CAMSAP2: variants seen among roughly 807,000 people sequenced by gnomAD.
CAMSAP2 encodes the protein calmodulin regulated spectrin associated protein family member 2, also known as calmodulin-regulated spectrin-associated protein 2.
In CAMSAP2, 26 loss-of-function variants were observed where a neutral mutation model predicts 146.1. The observed-to-expected ratio is 0.18, with a 90% CI of 0.13 to 0.25. The LOEUF is 0.25. Ranked by LOEUF, CAMSAP2 falls within the 10% of genes least tolerant of loss-of-function variation. The pLI, the probability that CAMSAP2 is intolerant of heterozygous loss-of-function variation, is 1.00. For synonymous variants in CAMSAP2, 499 were observed against 596.6 expected (o/e 0.84, Z 2.38); for missense variants, 1,381 against 1,759.3 (o/e 0.78, Z 3.85).
intron 2 of CAMSAP2, among the ~76,000 whole-genome samples, chr1:200,792,622 A>G (rs1665785816): frequency 1.3e-5 from 2 of 152,312 alleles, no homozygotes; most frequent in South Asian, 4.1e-4. Context: ...TCCAGCCTGG[A>G]TGACAAAGCA....
chr1:200,739,718 C>T lies in CAMSAP2; in HGVS notation c.-110C>T. On this transcript the variant is annotated 5_prime_UTR_variant, in exon 1 of 17. Coordinates refer to ENST00000358823, the MANE Select transcript of CAMSAP2 (RefSeq NM_203459.4). The surrounding 1 kb of genome is among the most constrained non-coding windows in gnomAD (Gnocchi z 4.8). ...CGTCGGCGCCCGGGCGGACATCGCCCGGGCCCCGATGGTTTGAGCTTGCTT... is the reference window on the plus strand; with the variant it reads ...CGTCGGCGCCCGGGCGGACATCGCCTGGGCCCCGATGGTTTGAGCTTGCTT... 16 of 1,125,234 alleles carry T rather than the reference C, an allele frequency of 1.4e-5. No homozygotes were observed. The highest frequency in any genetic ancestry group is 1.9e-5 in the Non-Finnish European group (16 of 845,656). 69.7% of individuals were successfully genotyped at this position (1,125,234 alleles called of 1,614,324 possible).
At chr1:200,855,922 T>C in intron 14 of CAMSAP2, 88 bp from the exon 15 acceptor site, 1 of 857,518 alleles carries the variant, frequency 1.2e-6, no homozygotes, top group Non-Finnish European at 1.9e-6. Context: ...GGCCTTTAGG[T>C]TGATTTTGAT....
At chr1:200,782,201 G>A (rs373378914) in intron 2 of CAMSAP2, among the ~76,000 whole-genome samples, 14 of 152,136 alleles carry the variant, frequency 9.2e-5, no homozygotes, top group Non-Finnish European at 1.9e-4. Flanking sequence ...ATTTGATGCC[G>A]TGTGTGGTAA....
Position 200,739,712 on chromosome 1 carries a change from A to C in CAMSAP2, c.-116A>C. 334 of 830,758 alleles carry C rather than the reference A, an allele frequency of 4.0e-4. No homozygotes were observed. Among genetic ancestry groups the C allele is most frequent in the Middle Eastern group, 1.4e-3 (3 of 2,118 alleles). 51.5% of individuals were successfully genotyped at this position (830,758 alleles called of 1,614,324 possible). ...CTCCTCCGTCGGCGCCCGGGCGGAC[A>C]TCGCCCGGGCCCCGATGGTTTGAGC... On this transcript the variant is annotated 5_prime_UTR_variant, in exon 1 of 17. Transcript: ENST00000358823. The surrounding 1 kb of genome is among the most constrained non-coding windows in gnomAD (Gnocchi z 4.8).
chr1:200,775,963 A>G (rs1006869675), intron 2 of CAMSAP2, among the ~76,000 whole-genome samples: 5 of 152,124 alleles, frequency 3.3e-5, no homozygotes, highest in African/African-American at 1.2e-4. Flanking sequence ...CATCAAGGCA[A>G]AAGCTTTCAA....
In CAMSAP2 at chr1:200,847,413, T is replaced by TTG. The variant is rs567125596; in HGVS notation, c.1192+122_1192+123insGT. On this transcript the variant is annotated intron_variant, in intron 9 of 16. Transcript: ENST00000358823. ...TTTTTGTGTGTGTGTGTGTGTGTTT[T>TTG]TTTGTTTGTTTGTTTGTTTTCTGAA... 3.6e-4 allele frequency: 276 copies of TTG among 769,758 alleles called. No homozygotes were observed. The East Asian group carries it at 7.0e-3, about 20-fold the overall frequency. The allele number at this position is 769,758 out of a possible 1,614,324, so 47.7% of individuals were successfully genotyped here.
At chr1:200,840,613 G>A (rs1667301996) in intron 6 of CAMSAP2, among the ~76,000 whole-genome samples, 1 of 152,156 alleles carries the variant, frequency 6.6e-6, no homozygotes, top group African/African-American at 2.4e-5. Flanking sequence ...ACTATCAGAT[G>A]AGAGATGATA....
intron 2 of CAMSAP2, among the ~76,000 whole-genome samples, chr1:200,778,751 T>C: frequency 6.7e-6 from 1 of 150,366 alleles, no homozygotes; most frequent in South Asian, 2.1e-4. Flanking sequence ...CCGGCTACAG[T>C]AGATTTAGGT....
At chr1:200,807,761 G>A (rs1245248790) in intron 3 of CAMSAP2, among the ~76,000 whole-genome samples, 4 of 129,840 alleles carry the variant, frequency 3.1e-5, no homozygotes, top group Non-Finnish European at 6.4e-5. Context: ...TTTTTTTTGA[G>A]AAGTAGTCTC....
intron 4 of CAMSAP2, among the ~76,000 whole-genome samples, chr1:200,825,369 G>A (rs1158700399): frequency 6.6e-6 from 1 of 152,086 alleles, no homozygotes; most frequent in East Asian, 1.9e-4. Flanking sequence ...AAGCACGTAT[G>A]TGCATGTTTG....
intron 6 of CAMSAP2, among the ~76,000 whole-genome samples, chr1:200,835,341 A>G (rs562689707): frequency 6.6e-6 from 1 of 152,372 alleles, no homozygotes; most frequent in Admixed American, 6.5e-5. Context: ...TATAACTTTT[A>G]GAACATTGCA....
At position 200,832,451 on chromosome 1, in the gene CAMSAP2, A is replaced by C; in HGVS notation, c.787+110A>C. 1 of 1,038,708 alleles carries C rather than the reference A, an allele frequency of 9.6e-7. No individual in the cohort carries two copies. The allele number at this position is 1,038,708 out of a possible 1,614,324, so 64.3% of individuals were successfully genotyped here. A position where few individuals can be genotyped will look rare whatever the true frequency, so the allele number is the denominator to read the frequency against. The stretch of plus-strand genomic sequence containing the variant: ...GTGACTGAGTGGGACCCTGTCTCAA[A>C]AAAAAGACAATATTATTTAATAAGT... On this transcript the variant is annotated intron_variant, in intron 5 of 16. Transcript: ENST00000358823. This position sits in a 1 kb window ranked among gnomAD's most constrained non-coding sequence, Gnocchi z 4.2.
intron 1 of CAMSAP2, among the ~76,000 whole-genome samples, 200 bp from the exon 2 acceptor site, chr1:200,760,638 CT>C (rs1664774660): frequency 6.6e-6 from 1 of 152,160 alleles, no homozygotes; most frequent in African/African-American, 2.4e-5. Context: ...CAGAAAGTAT[CT>C]TCTGTAAAGG....
At chr1:200,748,687 G>A (rs902800257) in intron 1 of CAMSAP2, among the ~76,000 whole-genome samples, 1 of 150,892 alleles carries the variant, frequency 6.6e-6, no homozygotes, top group African/African-American at 2.4e-5. Context: ...ATATTAACAA[G>A]TTTCTCTTTG....
intron 2 of CAMSAP2, among the ~76,000 whole-genome samples, chr1:200,772,196 G>A (rs1333689240): frequency 6.6e-6 from 1 of 151,836 alleles, no homozygotes; most frequent in Non-Finnish European, 1.5e-5. Flanking sequence ...AGAAACAAAA[G>A]TACTTATCCT....
intron 4 of CAMSAP2, among the ~76,000 whole-genome samples, chr1:200,829,768 A>G (rs1666995183): frequency 6.6e-6 from 1 of 152,040 alleles, no homozygotes; most frequent in African/African-American, 2.4e-5. Flanking sequence ...CTCTACAAAA[A>G]ATAGAAAAAT....
chr1:200,815,447 T>A, intron 3 of CAMSAP2, 114 bp from the exon 4 acceptor site: 1 of 478,390 alleles, frequency 2.1e-6, no homozygotes, highest in Non-Finnish European at 3.6e-6. Context: ...GAGACTGATA[T>A]TTGACATCAG....
intron 2 of CAMSAP2, among the ~76,000 whole-genome samples, chr1:200,774,526 CAAGT>C (rs1665216669): frequency 1.3e-5 from 2 of 152,010 alleles, no homozygotes; most frequent in Non-Finnish European, 2.9e-5. Flanking sequence ...GGTTAGCAAA[CAAGT>C]AAACAAATAT....
At chr1:200,765,199 A>G (rs1313820866) in intron 2 of CAMSAP2, among the ~76,000 whole-genome samples, 1 of 152,182 alleles carries the variant, frequency 6.6e-6, no homozygotes, top group Admixed American at 6.5e-5. Context: ...CAATCTGCTT[A>G]TCAGTCAAAC....
Sources: gnomAD v4.1 joint callset for allele counts (sites outside exome capture counted in the v4.1 genomes callset) on GRCh38, gnomAD v4.1.1 for gene constraint, Gnocchi (gnomAD v3.1) non-coding constraint, MANE v1.5 for transcripts, NCBI Gene and HGNC (gene_info 2026-07-23, HGNC 2026-07-21) for gene names.